The following NPAS2 variants were observed in gnomAD, a reference collection of about 807,000 sequenced individuals.
NPAS2 encodes the protein neuronal PAS domain protein 2.
Under a neutral mutation model 107.5 loss-of-function variants are expected in NPAS2, and 23 were observed. That is an observed-to-expected ratio of 0.21 (90% CI 0.15 to 0.30). The LOEUF is 0.30. NPAS2 is among the 10% of genes least tolerant of loss of function. The probability of loss-of-function intolerance (pLI) is 1.00; values close to 1 mark genes in which losing one functional copy is unlikely to be tolerated. For missense variants in NPAS2, 756 were observed against 1,043.3 expected (o/e 0.72, Z 3.79); for synonymous variants, 403 against 417.5 (o/e 0.97, Z 0.42).
At chr2:100,912,739 C>T (rs1682637035) in intron 2 of NPAS2, among the ~76,000 whole-genome samples, 1 of 152,254 alleles carries the variant, frequency 6.6e-6, no homozygotes, top group Non-Finnish European at 1.5e-5. Context: ...CACGGGGAAG[C>T]TCTATCTCCT....
At chr2:100,910,916 C>G (rs1421162023) in intron 2 of NPAS2, among the ~76,000 whole-genome samples, 1 of 152,194 alleles carries the variant, frequency 6.6e-6, no homozygotes, top group African/African-American at 2.4e-5. Flanking sequence ...GGGATGCTGC[C>G]TGGGCTATGG....
intron 3 of NPAS2, among the ~76,000 whole-genome samples, chr2:100,926,787 A>C (rs1466147954): frequency 4.6e-5 from 7 of 152,096 alleles, no homozygotes; most frequent in Non-Finnish European, 7.4e-5. Flanking sequence ...GAAGGTTTTA[A>C]ATTTTAATCA....
Position 100,996,063 on chromosome 2 carries a change from T to C in NPAS2, c.*481T>C, listed in dbSNP as rs1225786580. On this transcript the variant is annotated 3_prime_UTR_variant, in exon 21 of 21. Coordinates refer to ENST00000335681, the MANE Select transcript of NPAS2 (RefSeq NM_002518.4). ...TTTTTCATTATTTTTAAATGGTTGT[T>C]TTTGTTTTAATTTGCACAGCTACAC... is the stretch of plus-strand genomic sequence containing the variant. 10 of 945,902 alleles carry C rather than the reference T, an allele frequency of 1.1e-5. No homozygotes were observed. Among genetic ancestry groups the C allele is most frequent in the African/African-American group, 1.7e-5 (1 of 58,104 alleles). 58.6% of individuals were successfully genotyped at this position (945,902 alleles called of 1,614,324 possible). A position where few individuals can be genotyped will look rare whatever the true frequency, so the allele number is the denominator to read the frequency against.
chr2:100,955,282 C>T (rs1675501356), intron 7 of NPAS2, among the ~76,000 whole-genome samples: 1 of 152,094 alleles, frequency 6.6e-6, no homozygotes. Flanking sequence ...TGATGCCTGT[C>T]CTTTTTATAT....
intron 6 of NPAS2, among the ~76,000 whole-genome samples, chr2:100,948,972 A>G (rs1385662168): frequency 6.6e-6 from 1 of 152,216 alleles, no homozygotes; most frequent in Non-Finnish European, 1.5e-5. Flanking sequence ...TCCATTTTCC[A>G]TGAATAATCT....
intron 1 of NPAS2, among the ~76,000 whole-genome samples, chr2:100,867,627 A>T (rs1481575904): frequency 1.3e-5 from 2 of 152,190 alleles, no homozygotes; most frequent in Non-Finnish European, 2.9e-5. Flanking sequence ...GTTTTAAAAC[A>T]TCCTGTGTGA....
intron 2 of NPAS2, among the ~76,000 whole-genome samples, chr2:100,913,588 A>G (rs1175182785): frequency 6.6e-6 from 1 of 152,182 alleles, no homozygotes; most frequent in Non-Finnish European, 1.5e-5. Context: ...AGCAGTCCAC[A>G]TATGAAATGG....
At chr2:100,993,679 T>A in intron 20 of NPAS2, 152 bp downstream of exon 20, 1 of 604,282 alleles carries the variant, frequency 1.7e-6, no homozygotes. Context: ...TATTTGATTG[T>A]TTTTCATGCT....
At chr2:100,934,300 G>A (rs1054764987) in intron 4 of NPAS2, 5 of 148,170 alleles carry the variant, frequency 3.4e-5, no homozygotes, top group African/African-American at 1.2e-4. Context: ...TTTTTTAAGA[G>A]CCTGTAGCAC....
intron 1 of NPAS2, among the ~76,000 whole-genome samples, chr2:100,826,801 C>T (rs1242582772): frequency 6.6e-6 from 1 of 152,160 alleles, no homozygotes; most frequent in Non-Finnish European, 1.5e-5. Flanking sequence ...TTAACCTCCC[C>T]ATCTACAGTG....
At chr2:100,841,975 A>G (rs1677440747) in intron 1 of NPAS2, among the ~76,000 whole-genome samples, 1 of 152,190 alleles carries the variant, frequency 6.6e-6, no homozygotes, top group African/African-American at 2.4e-5. Flanking sequence ...TGCACAGCAT[A>G]TTCACATCCA....
rs546948763 is a variant in NPAS2, at chr2:100,876,275, C to T, written c.-22-28458C>T. Among the ~76,000 whole-genome samples the T allele has an allele frequency of 7.9e-5, 12 of 152,298 alleles. No individual in the cohort carries two copies. The South Asian group carries it at 8.3e-4, about 11-fold the overall frequency. On this transcript the variant is annotated intron_variant, in intron 1 of 20. Transcript: ENST00000335681. ...GGTATTCACAACTCCTGAACCAAGG[C>T]GTGTGGCTGGTATCATTTTGTGGGG...
intron 1 of NPAS2, among the ~76,000 whole-genome samples, chr2:100,898,788 A>G (rs1480178746): frequency 2.6e-5 from 1 of 38,328 alleles, no homozygotes; most frequent in Non-Finnish European, 7.4e-5. Context: ...TTTCACCTAA[A>G]AAAAAAAAAA....
chr2:100,919,509 C>T (rs1683091573), intron 2 of NPAS2, among the ~76,000 whole-genome samples: 1 of 152,234 alleles, frequency 6.6e-6, no homozygotes, highest in Non-Finnish European at 1.5e-5. Context: ...TAGGGAGCAG[C>T]AGCGCCGTGC....
chr2:100,901,358 A>G (rs1172049526), intron 1 of NPAS2: 2 of 168,770 alleles, frequency 1.2e-5, no homozygotes, highest in Admixed American at 1.3e-4. Flanking sequence ...GTTACTGTTG[A>G]TCATGATTTC....
intron 12 of NPAS2, among the ~76,000 whole-genome samples, chr2:100,973,865 A>G (rs9679747): frequency 0.4 from 60,720 of 152,000 alleles, 13,581 homozygotes; most frequent in East Asian, 0.77. Flanking sequence ...TTTTTTAGAC[A>G]GAGTCTCACT....
Position 100,968,446 on chromosome 2 carries a change from G to A in NPAS2, c.1055+18G>A, listed in dbSNP as rs199878628. 1 of 1,609,976 alleles carries A rather than the reference G, an allele frequency of 6.2e-7. No individual in the cohort carries two copies. The highest frequency in any genetic ancestry group is 2.2e-5 in the East Asian group (1 of 44,742). On this transcript the variant is annotated intron_variant, in intron 11 of 20. Transcript: ENST00000335681. This position sits in a 1 kb window ranked among gnomAD's most constrained non-coding sequence, Gnocchi z 5.3. The stretch of plus-strand genomic sequence containing the variant: ...GTGGTCAGGTACCGCGCACGGGCAG[G>A]GGTGCGGCTGCGTCCTTGTCGCACC...
Position 100,891,189 on chromosome 2 carries a change from G to A in NPAS2, c.-22-13544G>A, listed in dbSNP as rs1033371745. ...GGAGCTTGCAGTGAGCCAAGATTGCGCCACTGCACTCCAGCCTGGGCGACA... is the reference window on the plus strand; with the variant it reads ...GGAGCTTGCAGTGAGCCAAGATTGCACCACTGCACTCCAGCCTGGGCGACA... On this transcript the variant is annotated intron_variant, in intron 1 of 20. Transcript: ENST00000335681. 4.7e-5 allele frequency among the ~76,000 whole-genome samples: 7 copies of A among 150,038 alleles called. No homozygotes were observed. In the East Asian group the frequency reaches 1.2e-3, roughly 25 times the overall value.
chr2:100,993,740 T>C (rs1025854275), intron 20 of NPAS2: 16 of 429,690 alleles, frequency 3.7e-5, no homozygotes, highest in African/African-American at 2.4e-4. Flanking sequence ...ACGAGTCGGC[T>C]ATTATGCCTT....
Sources: gnomAD v4.1 joint callset for allele counts (sites outside exome capture counted in the v4.1 genomes callset) on GRCh38, gnomAD v4.1.1 for gene constraint, Gnocchi (gnomAD v3.1) non-coding constraint, MANE v1.5 for transcripts, NCBI Gene and HGNC (gene_info 2026-07-23, HGNC 2026-07-21) for gene names.